The following EFCAB6 variants were observed in gnomAD, a reference collection of about 807,000 sequenced individuals.
EFCAB6 encodes EF-hand calcium-binding domain-containing protein 6.
A neutral mutation model predicts 169.8 loss-of-function variants in EFCAB6; 156 were observed. The observed-to-expected ratio is 0.92, with a 90% CI of 0.81 to 1.05. The LOEUF is 1.05. Among genes scored for constraint, EFCAB6 ranks in the 50% least tolerant of loss-of-function variants. The pLI, the probability that EFCAB6 is intolerant of heterozygous loss-of-function variation, is 0.00. For missense variants in EFCAB6, 1,800 were observed against 1,829.1 expected, an observed-to-expected ratio of 0.98 and a Z score of 0.29; for synonymous variants, 698 against 676.4, an observed-to-expected ratio of 1.03 and a Z score of -0.50.
intron 6 of EFCAB6, among the ~76,000 whole-genome samples, chr22:43,738,991 C>G (rs1234810629): frequency 6.6e-6 from 1 of 152,160 alleles, no homozygotes; most frequent in Admixed American, 6.5e-5. Context: ...AGTGCTCCTG[C>G]CCGTCCTACT....
chr22:43,588,297 A>G (rs1370902535), intron 24 of EFCAB6, among the ~76,000 whole-genome samples: 1 of 152,238 alleles, frequency 6.6e-6, no homozygotes, highest in Non-Finnish European at 1.5e-5. Context: ...TAATAGTTTT[A>G]AAAAGCAACA....
intron 4 of EFCAB6, among the ~76,000 whole-genome samples, chr22:43,767,185 A>C (rs1399018166): frequency 6.6e-6 from 1 of 152,176 alleles, no homozygotes; most frequent in African/African-American, 2.4e-5. Flanking sequence ...CTAAGCCCTT[A>C]AAATGCCGGC....
rs148791953 is a variant in EFCAB6 at position 43,659,458 on chromosome 22, T to G, written c.1983+7646A>C. ...TGGATCACTTGAACCCAGGTGTTTG[T>G]GACCAGCCTGGGCAATATAGTGAGA... On this transcript the variant is annotated intron_variant, in intron 17 of 31. Transcript: ENST00000262726. Among the ~76,000 whole-genome samples the G allele has an allele frequency of 4.1e-3, 624 of 152,214 alleles. 3 individuals are homozygous for G. Among genetic ancestry groups the G allele is most frequent in the African/African-American group, 0.014 (577 of 41,530 alleles).
intron 27 of EFCAB6, among the ~76,000 whole-genome samples, chr22:43,545,731 A>G (rs887439359): frequency 2.0e-5 from 3 of 152,216 alleles, no homozygotes; most frequent in African/African-American, 7.2e-5. Flanking sequence ...CCTGGAGCTC[A>G]TGGCCTGGAG....
intron 17 of EFCAB6, among the ~76,000 whole-genome samples, chr22:43,662,366 AC>A (rs2057048214): frequency 1.3e-5 from 2 of 151,868 alleles, no homozygotes; most frequent in South Asian, 2.1e-4. Context: ...GTAGGCAGCC[AC>A]CCTCTGCCAT....
chr22:43,630,078 C>T (rs1435614513), intron 19 of EFCAB6, among the ~76,000 whole-genome samples: 5 of 152,152 alleles, frequency 3.3e-5, no homozygotes, highest in Non-Finnish European at 5.9e-5. Context: ...GTCGGAGGAT[C>T]GCTTGAGCCC....
chr22:43,621,035 C>T (rs1477976203), intron 20 of EFCAB6, among the ~76,000 whole-genome samples: 1 of 151,922 alleles, frequency 6.6e-6, no homozygotes. Context: ...TGTTCTCTGA[C>T]CACAACAGAA....
intron 20 of EFCAB6, among the ~76,000 whole-genome samples, chr22:43,620,682 G>C (rs1184906917): frequency 1.3e-5 from 2 of 152,068 alleles, no homozygotes; most frequent in Non-Finnish European, 2.9e-5. Flanking sequence ...TAAATACCTA[G>C]GAAATTATAA....
Position 43,635,111 on chromosome 22 carries a change from C to T in EFCAB6, c.2089G>A (p.Gly697Arg). The T allele has an allele frequency of 1.2e-6, 2 of 1,614,100 alleles. No homozygotes were observed. Among genetic ancestry groups the T allele is most frequent in the Non-Finnish European group, 1.7e-6 (2 of 1,179,978 alleles). ...CTTGGCCATTAGCTACCTTCAAATC[C>T]TGCTGCAAAATCAAGATAGCTCATC... is the stretch of plus-strand genomic sequence containing the variant. ...EGMSYLDFAA[G>R]FEDPPMRGPE... Residue 697 changes from glycine to arginine, a missense_variant, in exon 18 of 32, where the codon GGA becomes AGA. Physicochemically the swap from Gly to Arg is moderately radical, Grantham distance 125. Transcript: ENST00000262726.
At chr22:43,810,373 G>A (rs1200062430) in intron 1 of EFCAB6, among the ~76,000 whole-genome samples, 3 of 152,188 alleles carry the variant, frequency 2.0e-5, no homozygotes, top group Non-Finnish European at 4.4e-5. Context: ...CTGAAACAAA[G>A]TAAACAAAAT....
intron 3 of EFCAB6, among the ~76,000 whole-genome samples, chr22:43,775,038 G>C (rs17569808): frequency 0.11 from 16,526 of 151,998 alleles, 955 homozygotes; most frequent in Middle Eastern, 0.18. Context: ...GGAGAGGAGT[G>C]ACACAGTACC....
intron 27 of EFCAB6, among the ~76,000 whole-genome samples, chr22:43,548,847 C>T (rs1168445478): frequency 6.6e-6 from 1 of 152,138 alleles, no homozygotes; most frequent in Non-Finnish European, 1.5e-5. Flanking sequence ...GCTATGCATA[C>T]TATCCATCCA....
chr22:43,731,952 C>A, intron 7 of EFCAB6, 141 bp from the exon 8 acceptor site: 1 of 492,488 alleles, frequency 2.0e-6, no homozygotes, highest in Non-Finnish European at 3.4e-6. Context: ...AAAGTAAACC[C>A]CAGAAAATGT....
At position 43,765,334 on chromosome 22, in the gene EFCAB6, TC is replaced by T; in HGVS notation, c.410del (p.Gly137GlufsTer6). 6.2e-7 allele frequency: 1 copy of T among 1,612,698 alleles called. No individual in the cohort carries two copies. Among genetic ancestry groups the T allele is most frequent in the East Asian group, 2.2e-5 (1 of 44,802 alleles). ...TTATACCATTTATATATAGGTCAAT[TC>T]CACCAAACCTGGACAGAAAGGCAAG... ...PYLAFLSRFG[G>X]IDLYINGIKR... On this transcript the variant is annotated frameshift_variant, in exon 5 of 32. Coordinates refer to ENST00000262726, the MANE Select transcript of EFCAB6 (RefSeq NM_022785.4). LOFTEE classifies it high-confidence loss of function.
intron 21 of EFCAB6, among the ~76,000 whole-genome samples, chr22:43,614,427 TA>T: frequency 6.6e-6 from 1 of 152,254 alleles, no homozygotes; most frequent in Middle Eastern, 3.4e-3. Flanking sequence ...CATCCACCTT[TA>T]AATAAATGAA....
intron 8 of EFCAB6, among the ~76,000 whole-genome samples, chr22:43,731,413 A>G (rs1418046515): frequency 6.6e-6 from 1 of 152,190 alleles, no homozygotes; most frequent in Non-Finnish European, 1.5e-5. Flanking sequence ...ATATTTTCCA[A>G]TCCGCTACAG....
intron 5 of EFCAB6, among the ~76,000 whole-genome samples, chr22:43,756,182 C>T (rs1603337520): frequency 6.6e-6 from 1 of 152,192 alleles, no homozygotes; most frequent in East Asian, 1.9e-4. Flanking sequence ...GGACCATTAT[C>T]ATCCCTGCTT....
chr22:43,618,177 A>AAGGAAGGAAGGAGG (rs2053848465), intron 20 of EFCAB6, among the ~76,000 whole-genome samples: 1 of 52,138 alleles, frequency 1.9e-5, no homozygotes, highest in Non-Finnish European at 4.3e-5. Context: ...AAAGAAAGAA[A>AAGGAAGGAAGGAGG]GAAAGAAAGA....
chr22:43,602,984 T>C (rs374485508), intron 22 of EFCAB6, among the ~76,000 whole-genome samples: 9 of 151,824 alleles, frequency 5.9e-5, no homozygotes, highest in Admixed American at 6.6e-5. Flanking sequence ...AACTATGGTT[T>C]AATCATTTTT....
Sources: allele counts gnomAD v4.1 joint callset (sites outside exome capture counted in the v4.1 genomes callset), GRCh38; gene constraint gnomAD v4.1.1; transcripts MANE v1.5; gene names NCBI Gene and HGNC (gene_info 2026-07-23, HGNC 2026-07-21).